The following LRRC40 variants were observed in gnomAD, a reference collection of about 807,000 sequenced individuals.
LRRC40 encodes leucine-rich repeat-containing protein 40.
LRRC40 carries 76 observed loss-of-function variants against 72.8 expected under a neutral mutation model. The observed-to-expected ratio is 1.04, with a 90% CI of 0.87 to 1.26. The LOEUF is 1.26. Ranked by LOEUF, LRRC40 falls within the 50% of genes most tolerant of loss-of-function variation. LRRC40 has a pLI of 0.00. For synonymous variants in LRRC40, 243 were observed against 254.2 expected, an observed-to-expected ratio of 0.96 and a Z score of 0.42; for missense variants, 684 against 698.9, an observed-to-expected ratio of 0.98 and a Z score of 0.24.
intron 1 of LRRC40, among the ~76,000 whole-genome samples, chr1:70,197,917 T>C (rs968613007): frequency 6.6e-5 from 10 of 151,962 alleles, no homozygotes; most frequent in African/African-American, 9.7e-5. Flanking sequence ...CCATCTCTAC[T>C]AAAAATACAA....
At chr1:70,168,556 C>T (rs775513581) in intron 9 of LRRC40, among the ~76,000 whole-genome samples, 2 of 152,182 alleles carry the variant, frequency 1.3e-5, no homozygotes, top group Non-Finnish European at 1.5e-5. Flanking sequence ...ACTTCACTCA[C>T]AACAAAGCAT....
intron 3 of LRRC40, 89 bp from the exon 4 acceptor site, chr1:70,185,003 G>T: frequency 9.2e-7 from 1 of 1,085,500 alleles, no homozygotes; most frequent in Non-Finnish European, 1.3e-6. Flanking sequence ...AATGACACTG[G>T]ACTCATAAAA....
chr1:70,202,156 T>G (rs1157049970), intron 1 of LRRC40, among the ~76,000 whole-genome samples: 1 of 152,274 alleles, frequency 6.6e-6, no homozygotes, highest in African/African-American at 2.4e-5. Flanking sequence ...GGGCTCAACA[T>G]AGTCTCTTAT....
chr1:70,167,953 T>C (rs1411523356), intron 9 of LRRC40, among the ~76,000 whole-genome samples: 3 of 152,140 alleles, frequency 2.0e-5, no homozygotes, highest in Non-Finnish European at 4.4e-5. Flanking sequence ...AATGAAGAAA[T>C]AGCTGTTCAA....
chr1:70,180,956 G>T, intron 5 of LRRC40, 130 bp downstream of exon 5: 1 of 587,770 alleles, frequency 1.7e-6, no homozygotes, highest in Non-Finnish European at 2.8e-6. Context: ...CTGACTAGTT[G>T]CTATTGTTTG....
intron 6 of LRRC40, 92 bp from the exon 7 acceptor site, chr1:70,176,074 G>C: frequency 2.9e-6 from 2 of 692,610 alleles, no homozygotes; most frequent in Non-Finnish European, 4.4e-6. Flanking sequence ...AATTTCAAGT[G>C]ATTGAAAAAC....
intron 1 of LRRC40, among the ~76,000 whole-genome samples, chr1:70,199,212 G>GTC (rs1296578377): frequency 1.7e-4 from 14 of 84,524 alleles, no homozygotes; most frequent in Middle Eastern, 5.2e-3. Context: ...ATTATACATA[G>GTC]TCTCACACAC....
At position 70,189,164 on chromosome 1, in the gene LRRC40, T is replaced by TA. The variant is rs1250004769; in HGVS notation, c.260dup (p.Ile88AsnfsTer6). 2 of 1,613,718 alleles carry TA rather than the reference T, an allele frequency of 1.2e-6. No homozygotes were observed. The highest frequency in any genetic ancestry group is 2.7e-5 in the African/African-American group (2 of 74,920). On this transcript the variant is annotated frameshift_variant, in exon 2 of 15. Transcript: ENST00000370952. LOFTEE classifies it high-confidence loss of function. ...ACTGAAGTTTATTGTTTGATATTAT[T>TA]AGTTTGGTCAAATCTGTCTGCTCCC...
At chr1:70,146,082 AG>A (rs1667282960) in intron 14 of LRRC40, among the ~76,000 whole-genome samples, 177 bp from the exon 15 acceptor site, 1 of 151,826 alleles carries the variant, frequency 6.6e-6, no homozygotes, top group African/African-American at 2.4e-5. Flanking sequence ...TGAAGTGCAG[AG>A]GTGCAATCTC....
At chr1:70,165,723 G>A (rs1667866467) in intron 9 of LRRC40, among the ~76,000 whole-genome samples, 1 of 151,514 alleles carries the variant, frequency 6.6e-6, no homozygotes, top group African/African-American at 2.4e-5. Context: ...TCCTCAAAGA[G>A]CTCCAGAAAA....
In LRRC40 at chr1:70,148,643, C is replaced by A; in HGVS notation, c.1547G>T (p.Arg516Leu). ...CAGAATTGTTTCAAGTGTGAAGATACGATATAGAACTTCAGGTAGCATTTT... is the reference window on the plus strand; with the variant it reads ...CAGAATTGTTTCAAGTGTGAAGATAAGATATAGAACTTCAGGTAGCATTTT... ...RFKMLPEVLY[R>L]IFTLETILIS... Residue 516 changes from arginine to leucine, a missense_variant, in exon 14 of 15, where the codon CGT becomes CTT. Physicochemically the swap from Arg to Leu is moderately radical, Grantham distance 102. Transcript: ENST00000370952. 6.2e-7 allele frequency: 1 copy of A among 1,609,416 alleles called. No homozygotes were observed. Among genetic ancestry groups the A allele is most frequent in the Non-Finnish European group, 8.5e-7 (1 of 1,176,750 alleles).
chr1:70,176,214 AATCTGGCAGAAAC>A (rs1668100724), intron 6 of LRRC40, among the ~76,000 whole-genome samples: 1 of 152,182 alleles, frequency 6.6e-6, no homozygotes, highest in Non-Finnish European at 1.5e-5. Context: ...TTAAACTTTG[AATCTGGCAGAAAC>A]ATCAAGTTTA....
intron 9 of LRRC40, among the ~76,000 whole-genome samples, chr1:70,172,385 G>A (rs1480007240): frequency 6.6e-6 from 1 of 152,044 alleles, no homozygotes; most frequent in Non-Finnish European, 1.5e-5. Flanking sequence ...CTATCTTTAT[G>A]GAAGTACACC....
At chr1:70,201,059 T>C (rs775539260) in intron 1 of LRRC40, among the ~76,000 whole-genome samples, 2 of 152,102 alleles carry the variant, frequency 1.3e-5, no homozygotes, top group Non-Finnish European at 2.9e-5. Flanking sequence ...TTCTAGCTAC[T>C]TGACAGGCTG....
chr1:70,157,847 T>C (rs56200611), intron 10 of LRRC40, among the ~76,000 whole-genome samples: 13,099 of 152,052 alleles, frequency 0.086, 645 homozygotes, highest in South Asian at 0.19. Context: ...CTTATGCCTG[T>C]AATCCCAGCA....
intron 9 of LRRC40, among the ~76,000 whole-genome samples, chr1:70,167,775 C>T (rs986003953): frequency 4.0e-5 from 6 of 151,726 alleles, no homozygotes; most frequent in African/African-American, 1.2e-4. Flanking sequence ...CCACCACTCC[C>T]GGCTAATTTT....
chr1:70,168,623 G>C (rs1667938397), intron 9 of LRRC40, among the ~76,000 whole-genome samples: 1 of 152,166 alleles, frequency 6.6e-6, no homozygotes, highest in Non-Finnish European at 1.5e-5. Flanking sequence ...TGAAATTCCT[G>C]GATCTACTGA....
At chr1:70,182,973 CTT>C (rs1668279121) in intron 4 of LRRC40, among the ~76,000 whole-genome samples, 1 of 152,100 alleles carries the variant, frequency 6.6e-6, no homozygotes, top group African/African-American at 2.4e-5. Context: ...CAAATGGACT[CTT>C]TTAAATCAAC....
rs1040327820 is a variant in LRRC40, at chr1:70,144,863, A to AT, written c.*936dup. 59 of 152,200 alleles carry AT rather than the reference A, an allele frequency of 3.9e-4. No individual in the cohort carries two copies. The highest frequency in any genetic ancestry group is 1.4e-3 in the African/African-American group (58 of 41,544). The allele number at this position is 152,200 out of a possible 1,614,324, so 9.4% of individuals were successfully genotyped here. ...CATGTAGTATTTATCTTTATTAGCA[A>AT]TTTTTTTCATAATATAAGCATGCCT... On this transcript the variant is annotated 3_prime_UTR_variant, in exon 15 of 15. Coordinates refer to ENST00000370952, the MANE Select transcript of LRRC40 (RefSeq NM_017768.5).
Sources: allele counts gnomAD v4.1 joint callset (sites outside exome capture counted in the v4.1 genomes callset), GRCh38; gene constraint gnomAD v4.1.1; transcripts MANE v1.5; gene names NCBI Gene and HGNC (gene_info 2026-07-23, HGNC 2026-07-21).